The following BMPR1B variants were observed in gnomAD, a reference collection of about 807,000 sequenced individuals.
BMPR1B encodes the protein bone morphogenetic protein receptor type-1B.
BMPR1B carries 12 observed loss-of-function variants against 59.1 expected under a neutral mutation model. That is an observed-to-expected ratio of 0.20 (90% CI 0.13 to 0.33). The LOEUF (loss-of-function observed/expected upper bound fraction) is 0.33, where lower values mean the gene tolerates loss of function less well. BMPR1B is among the 10% of genes least tolerant of loss of function. The probability of loss-of-function intolerance (pLI) is 1.00; values close to 1 mark genes in which losing one functional copy is unlikely to be tolerated. For missense variants in BMPR1B, 550 were observed against 610.9 expected (o/e 0.90, Z 1.05); for synonymous variants, 237 against 207.3 (o/e 1.14, Z -1.23).
chr4:95,008,580 A>G (rs1723013159), intron 3 of BMPR1B, among the ~76,000 whole-genome samples: 1 of 152,196 alleles, frequency 6.6e-6, no homozygotes, highest in Non-Finnish European at 1.5e-5. Flanking sequence ...TATTTAGAAA[A>G]TAAATATTTT....
At chr4:94,978,966 A>ACG (rs1396270592) in intron 2 of BMPR1B, among the ~76,000 whole-genome samples, 1 of 151,826 alleles carries the variant, frequency 6.6e-6, no homozygotes, top group Non-Finnish European at 1.5e-5. Context: ...ACACACACAC[A>ACG]CACACACACA....
chr4:95,124,931 C>G (rs1310769332), intron 7 of BMPR1B, 52 bp from the exon 8 acceptor site: 25 of 1,530,708 alleles, frequency 1.6e-5, no homozygotes, highest in Non-Finnish European at 2.2e-5. Context: ...CAATATTTTA[C>G]TCCATCATTG....
chr4:95,099,054 G>A (rs1730638823), intron 3 of BMPR1B, among the ~76,000 whole-genome samples: 1 of 152,122 alleles, frequency 6.6e-6, no homozygotes, highest in African/African-American at 2.4e-5. Context: ...TGGAAATATT[G>A]TGACTTGTGC....
rs2149337420 is a variant in BMPR1B, at chr4:95,158,365, G to A, written c.*3692G>A. 6.6e-6 allele frequency: 1 copy of A among 152,120 alleles called. No individual in the cohort carries two copies. The highest frequency in any genetic ancestry group is 1.9e-4 in the East Asian group (1 of 5,178). The allele number at this position is 152,120 out of a possible 1,614,324, so 9.4% of individuals were successfully genotyped here. A position where few individuals can be genotyped will look rare whatever the true frequency, so the allele number is the denominator to read the frequency against. On this transcript the variant is annotated 3_prime_UTR_variant, in exon 13 of 13. Transcript: ENST00000515059. ...ATTCAGGACTAGGGAACAAACAATT[G>A]TATTGTATTTGTTACAGATTGTATA... is the stretch of plus-strand genomic sequence containing the variant.
chr4:95,061,200 CACACACACACCA>C (rs1374429374), intron 3 of BMPR1B, among the ~76,000 whole-genome samples: 20 of 141,854 alleles, frequency 1.4e-4, no homozygotes, highest in Admixed American at 6.2e-4. Flanking sequence ...CACACACACA[CACACACACACCA>C]CACACCCCTC....
chr4:94,923,738 G>A (rs563993419), intron 2 of BMPR1B, among the ~76,000 whole-genome samples: 45 of 152,230 alleles, frequency 3.0e-4, no homozygotes, highest in Middle Eastern at 3.4e-3. Context: ...AGTGGGAAGA[G>A]AGGGGTGGTT....
intron 2 of BMPR1B, among the ~76,000 whole-genome samples, chr4:94,912,894 A>T (rs777361802): frequency 6.6e-6 from 1 of 152,110 alleles, no homozygotes; most frequent in Non-Finnish European, 1.5e-5. Flanking sequence ...AATTAAATGT[A>T]AAACTTGGAT....
intron 2 of BMPR1B, among the ~76,000 whole-genome samples, chr4:94,937,611 C>T (rs35254904): frequency 0.44 from 66,244 of 152,000 alleles, 15,578 homozygotes; most frequent in African/African-American, 0.63. Context: ...TTTTATCTGA[C>T]GGGCAAGACT....
At chr4:94,793,555 A>G (rs1366338896) in intron 1 of BMPR1B, among the ~76,000 whole-genome samples, 1 of 149,504 alleles carries the variant, frequency 6.7e-6, no homozygotes, top group East Asian at 2.0e-4. Context: ...GCTGGGTCAA[A>G]TGGTATTTCC....
intron 1 of BMPR1B, among the ~76,000 whole-genome samples, chr4:94,822,842 A>G (rs900662778): frequency 1.3e-5 from 2 of 152,172 alleles, no homozygotes; most frequent in Non-Finnish European, 2.9e-5. Context: ...GCCAATGGGA[A>G]GGATACAAAG....
chr4:95,111,895 C>T (rs926356727), intron 4 of BMPR1B, among the ~76,000 whole-genome samples: 3 of 152,022 alleles, frequency 2.0e-5, no homozygotes, highest in African/African-American at 7.2e-5. Flanking sequence ...CTCCCTGAAT[C>T]CTCTTCAAGA....
chr4:94,802,475 G>T (rs1292566111), intron 1 of BMPR1B, among the ~76,000 whole-genome samples: 2 of 152,148 alleles, frequency 1.3e-5, no homozygotes, highest in Non-Finnish European at 2.9e-5. Context: ...AGAGAGAGAT[G>T]AATAAGGTAA....
intron 2 of BMPR1B, among the ~76,000 whole-genome samples, chr4:94,927,717 G>C (rs1000538195): frequency 2.0e-5 from 3 of 152,102 alleles, no homozygotes; most frequent in Admixed American, 2.0e-4. Flanking sequence ...TAATTTGCCA[G>C]GCAGGGGAGA....
chr4:94,915,570 C>T (rs1728452603), intron 2 of BMPR1B, among the ~76,000 whole-genome samples: 1 of 152,180 alleles, frequency 6.6e-6, no homozygotes, highest in African/African-American at 2.4e-5. Flanking sequence ...AATAATACTT[C>T]CTCTTTAAAA....
intron 2 of BMPR1B, among the ~76,000 whole-genome samples, chr4:94,937,440 T>C (rs1729354148): frequency 6.6e-6 from 1 of 152,194 alleles, no homozygotes; most frequent in African/African-American, 2.4e-5. Context: ...TCTGTTTTTC[T>C]CTTAATCCTC....
chr4:95,139,640 C>T (rs781015136), intron 10 of BMPR1B, among the ~76,000 whole-genome samples: 7 of 152,214 alleles, frequency 4.6e-5, no homozygotes, highest in African/African-American at 7.2e-5. Flanking sequence ...AGCCTCGCTG[C>T]CGCCTTGCAG....
chr4:94,856,349 T>C (rs916878), intron 1 of BMPR1B, among the ~76,000 whole-genome samples: 92,125 of 151,562 alleles, frequency 0.61, 28,853 homozygotes, highest in African/African-American at 0.76. Flanking sequence ...CATATGTCTC[T>C]ATTCTCTTCT....
chr4:94,999,489 A>T (rs538583387), intron 3 of BMPR1B, among the ~76,000 whole-genome samples: 236 of 152,024 alleles, frequency 1.6e-3, no homozygotes, highest in African/African-American at 5.4e-3. Context: ...TCATAAGTTT[A>T]TTTGGGTAAC....
intron 8 of BMPR1B, among the ~76,000 whole-genome samples, chr4:95,125,594 C>G (rs1732850203): frequency 6.6e-6 from 1 of 152,050 alleles, no homozygotes; most frequent in African/African-American, 2.4e-5. Context: ...GCACTGCCAA[C>G]CTTGAAGAGA....
Sources: allele counts gnomAD v4.1 joint callset (sites outside exome capture counted in the v4.1 genomes callset), GRCh38; gene constraint gnomAD v4.1.1; transcripts MANE v1.5; gene names NCBI Gene and HGNC (gene_info 2026-07-23, HGNC 2026-07-21).